Variants in PEX5L observed in about 807,000 individuals in gnomAD.
The protein encoded by PEX5L is peroxisomal biogenesis factor 5 like, also known as PEX5-related protein.
PEX5L carries 30 observed loss-of-function variants against 84.0 expected under a neutral mutation model. The observed-to-expected ratio is 0.36, with a 90% CI of 0.27 to 0.48. The LOEUF is 0.48. Ranked by LOEUF, PEX5L falls within the 20% of genes least tolerant of loss-of-function variation. The pLI is 0.99. For missense variants in PEX5L, 533 were observed against 754.6 expected (o/e 0.71, Z 3.44); for synonymous variants, 270 against 283.1 (o/e 0.95, Z 0.46).
chr3:179,922,308 G>A (rs1181753141), intron 2 of PEX5L, among the ~76,000 whole-genome samples: 2 of 152,192 alleles, frequency 1.3e-5, no homozygotes, highest in Non-Finnish European at 2.9e-5. Context: ...ATGCCATTAA[G>A]GAGAAAGCAC....
At chr3:179,894,217 T>G (rs373377531) in intron 3 of PEX5L, among the ~76,000 whole-genome samples, 70 of 152,258 alleles carry the variant, frequency 4.6e-4, no homozygotes, top group African/African-American at 1.6e-3. Context: ...AGTGATTCAT[T>G]AATATCAAAG....
chr3:179,862,921 T>A (rs1306234251), intron 7 of PEX5L, among the ~76,000 whole-genome samples: 1 of 152,182 alleles, frequency 6.6e-6, no homozygotes, highest in African/African-American at 2.4e-5. Flanking sequence ...GGGATAACAC[T>A]ACCTGCCTTC....
At chr3:179,815,831 G>A (rs1260257323) in intron 10 of PEX5L, 30 bp downstream of exon 10, 1 of 1,612,238 alleles carries the variant, frequency 6.2e-7, no homozygotes, top group Non-Finnish European at 8.5e-7. Flanking sequence ...TGCCCTTTCT[G>A]AGTCTGGCAG....
At chr3:179,952,998 G>A (rs1297067707) in intron 2 of PEX5L, among the ~76,000 whole-genome samples, 1 of 152,082 alleles carries the variant, frequency 6.6e-6, no homozygotes, top group East Asian at 1.9e-4. Context: ...ACAAGCAATG[G>A]GGAAAGGATT....
intron 7 of PEX5L, among the ~76,000 whole-genome samples, chr3:179,868,217 A>G (rs888784171): frequency 2.6e-5 from 4 of 151,784 alleles, no homozygotes; most frequent in Non-Finnish European, 5.9e-5. Flanking sequence ...GGTTGATTTG[A>G]GTCCTGGATC....
intron 2 of PEX5L, among the ~76,000 whole-genome samples, chr3:179,942,017 C>CAAAAAAAA (rs11447396): frequency 1.1e-5 from 1 of 89,218 alleles, no homozygotes; most frequent in Non-Finnish European, 2.0e-5. Flanking sequence ...TGAGACTCCT[C>CAAAAAAAA]AAAAAAAAAA....
intron 1 of PEX5L, among the ~76,000 whole-genome samples, chr3:180,032,321 CTGAGA>C (rs1791533960): frequency 6.6e-6 from 1 of 152,174 alleles, no homozygotes; most frequent in Non-Finnish European, 1.5e-5. Context: ...GCCACTTGAA[CTGAGA>C]TAACAAAGGG....
rs545221867 is a variant in PEX5L, at chr3:180,005,685, C to T, written c.21+30894G>A. 9.4e-4 allele frequency among the ~76,000 whole-genome samples: 143 copies of T among 151,858 alleles called. 2 individuals are homozygous for T. In the South Asian group the frequency reaches 0.021, roughly 22 times the overall value. On this transcript the variant is annotated intron_variant, in intron 1 of 14. Coordinates refer to ENST00000467460, the MANE Select transcript of PEX5L (RefSeq NM_016559.3). ...TGGAGCTTGCAGTGAGCAGAGATAG[C>T]GCCACTGCACTCCAGCCTGGGCGAC... is the stretch of plus-strand genomic sequence containing the variant.
At chr3:179,940,535 C>T (rs1478664275) in intron 2 of PEX5L, among the ~76,000 whole-genome samples, 1 of 152,214 alleles carries the variant, frequency 6.6e-6, no homozygotes, top group East Asian at 1.9e-4. Context: ...TTCTTCAAAG[C>T]TTATGCCATC....
intron 1 of PEX5L, among the ~76,000 whole-genome samples, chr3:179,997,944 A>G (rs1192088085): frequency 2.0e-5 from 3 of 152,212 alleles, no homozygotes; most frequent in African/African-American, 7.2e-5. Flanking sequence ...ATCTTATTCA[A>G]AGAGACATTG....
At chr3:179,965,614 T>C (rs1463388146) in intron 2 of PEX5L, among the ~76,000 whole-genome samples, 1 of 152,112 alleles carries the variant, frequency 6.6e-6, no homozygotes, top group Admixed American at 6.6e-5. Flanking sequence ...TAACAATCGG[T>C]CGTAAGATTC....
rs35662193 is a variant in PEX5L, at chr3:179,810,002, C to CTTTTTT, written c.1155-340_1155-335dup. ...AGGGGATATCATTATTTTAATGCTG[C>CTTTTTT]TTTTTTTTTTTTTTTTTTTTTTTTT... On this transcript the variant is annotated intron_variant, in intron 11 of 14. Coordinates refer to ENST00000467460, the MANE Select transcript of PEX5L (RefSeq NM_016559.3). 8.8e-4 allele frequency among the ~76,000 whole-genome samples: 40 copies of CTTTTTT among 45,306 alleles called. 4 individuals are homozygous for CTTTTTT. The highest frequency in any genetic ancestry group is 8.0e-3 in the East Asian group (8 of 1,002). 29.7% of individuals were successfully genotyped at this position (45,306 alleles called of 152,430 possible). A position where few individuals can be genotyped will look rare whatever the true frequency, so the allele number is the denominator to read the frequency against.
rs755746984 is a variant in PEX5L, at chr3:179,801,915, G to A, written c.1794C>T (p.Leu598=). 4 of 1,613,944 alleles carry A rather than the reference G, an allele frequency of 2.5e-6. No homozygotes were observed. The highest frequency in any genetic ancestry group is 2.2e-5 in the East Asian group (1 of 44,874). Residue 598 remains leucine, a synonymous_variant, in exon 15 of 15, where the codon CTC becomes CTT. Coordinates refer to ENST00000467460, the MANE Select transcript of PEX5L (RefSeq NM_016559.3). Reference sequence around the variant, plus strand: ...AGAGTTCTGGTTGGTCCATCAGAGAGAGCGCAATTCTGAGGGCAGCCCAGA... The same window carrying A: ...AGAGTTCTGGTTGGTCCATCAGAGAAAGCGCAATTCTGAGGGCAGCCCAGA... ...GNIWAALRIA[L]SLMDQPELFQ...
At chr3:179,915,157 C>T (rs2109291864) in intron 2 of PEX5L, among the ~76,000 whole-genome samples, 1 of 152,250 alleles carries the variant, frequency 6.6e-6, no homozygotes, top group Non-Finnish European at 1.5e-5. Context: ...GCACCTGACA[C>T]AGAGTAGGTA....
intron 7 of PEX5L, among the ~76,000 whole-genome samples, chr3:179,873,913 G>T (rs375273364): frequency 6.6e-6 from 1 of 152,132 alleles, no homozygotes; most frequent in African/African-American, 2.4e-5. Flanking sequence ...TGACAGTCAG[G>T]GTACCAATGT....
intron 2 of PEX5L, among the ~76,000 whole-genome samples, chr3:179,950,312 G>A (rs915689426): frequency 1.4e-5 from 2 of 144,894 alleles, no homozygotes; most frequent in Non-Finnish European, 3.0e-5. Context: ...TGAACAATGA[G>A]AACACTTGGA....
At chr3:179,876,625 A>T (rs1275104853) in intron 5 of PEX5L, among the ~76,000 whole-genome samples, 1 of 152,226 alleles carries the variant, frequency 6.6e-6, no homozygotes, top group African/African-American at 2.4e-5. Context: ...ATAATTGAGT[A>T]GCATTAGTAC....
At chr3:179,812,483 CT>C (rs1724266370) in intron 10 of PEX5L, among the ~76,000 whole-genome samples, 1 of 152,004 alleles carries the variant, frequency 6.6e-6, no homozygotes, top group African/African-American at 2.4e-5. Flanking sequence ...ACCTTAAGCC[CT>C]TTTTCATGTT....
intron 8 of PEX5L, among the ~76,000 whole-genome samples, chr3:179,844,905 G>T (rs541530266): frequency 8.1e-4 from 124 of 152,276 alleles, no homozygotes; most frequent in Non-Finnish European, 1.4e-3. Flanking sequence ...CACCTTGGAG[G>T]CTACATTAAT....
Sources: allele counts gnomAD v4.1 joint callset (sites outside exome capture counted in the v4.1 genomes callset), GRCh38; gene constraint gnomAD v4.1.1; transcripts MANE v1.5; gene names NCBI Gene and HGNC (gene_info 2026-07-23, HGNC 2026-07-21).